The following TCERG1 variants were observed in gnomAD, a reference collection of about 807,000 sequenced individuals.
The protein encoded by TCERG1 is transcription elongation regulator 1.
TCERG1 carries 37 observed loss-of-function variants against 144.7 expected under a neutral mutation model. The observed-to-expected ratio is 0.26, with a 90% CI of 0.20 to 0.34. The LOEUF (loss-of-function observed/expected upper bound fraction) is 0.34. Ranked by LOEUF, TCERG1 falls within the 10% of genes least tolerant of loss-of-function variation. TCERG1 has a pLI of 1.00. For synonymous variants in TCERG1, 492 were observed against 458.2 expected (o/e 1.07, Z -0.94); for missense variants, 1,027 against 1,380.7 (o/e 0.74, Z 4.06).
Position 146,463,657 on chromosome 5 carries a change from C to T in TCERG1, c.999C>T (p.Pro333=), listed in dbSNP as rs1763530038. The change falls in exon 5 of 23, where the codon CCC becomes CCT. Residue 333 remains proline (P), a synonymous_variant. Coordinates refer to ENST00000679501, the MANE Select transcript of TCERG1 (RefSeq NM_001382548.1). ...APTATPVQTV[P]QPHPQTLPPA... is the part of the protein sequence containing the mutation. ...CAGCCACACCTGTGCAAACCGTTCC[C>T]CAGCCGCACCCTCAGACGTTACCTC... 1 of 1,614,178 alleles carries T rather than the reference C, an allele frequency of 6.2e-7. No individual in the cohort carries two copies. The highest frequency in any genetic ancestry group is 8.5e-7 in the Non-Finnish European group (1 of 1,180,042).
intron 4 of TCERG1, among the ~76,000 whole-genome samples, chr5:146,463,209 A>G (rs1428327397): frequency 2.0e-5 from 3 of 151,588 alleles, no homozygotes; most frequent in Non-Finnish European, 2.9e-5. Context: ...TCACTGGTTT[A>G]TTTTTTTCTT....
At chr5:146,508,506 C>G (rs1462181521) in intron 21 of TCERG1, among the ~76,000 whole-genome samples, 1 of 152,064 alleles carries the variant, frequency 6.6e-6, no homozygotes, top group Non-Finnish European at 1.5e-5. Flanking sequence ...AATATTCTTC[C>G]CCCTCAAAGT....
intron 1 of TCERG1, among the ~76,000 whole-genome samples, chr5:146,450,461 A>T (rs1420833747): frequency 6.6e-6 from 1 of 152,232 alleles, no homozygotes; most frequent in Non-Finnish European, 1.5e-5. Flanking sequence ...TAATTATAGT[A>T]ATAATAGCTA....
chr5:146,467,832 T>A (rs1392417420), intron 5 of TCERG1, among the ~76,000 whole-genome samples: 1 of 152,216 alleles, frequency 6.6e-6, no homozygotes, highest in African/African-American at 2.4e-5. Context: ...CATACCTTAC[T>A]TTCTTCCTCT....
intron 10 of TCERG1, among the ~76,000 whole-genome samples, chr5:146,478,859 T>G (rs1765084167): frequency 6.6e-6 from 1 of 152,154 alleles, no homozygotes; most frequent in Admixed American, 6.5e-5. Context: ...TTGTAAAATA[T>G]GTGTGTCTTT....
intron 1 of TCERG1, among the ~76,000 whole-genome samples, chr5:146,447,672 C>T (rs1008356183): frequency 6.6e-6 from 1 of 152,246 alleles, no homozygotes; most frequent in African/African-American, 2.4e-5. Flanking sequence ...GCCTGCAGCC[C>T]TCTGGCCGGG....
intron 19 of TCERG1, chr5:146,504,253 T>G (rs963177360): frequency 9.3e-6 from 3 of 322,872 alleles, no homozygotes; most frequent in Admixed American, 4.9e-5. Context: ...TCTCACAACT[T>G]TATTATTTAT....
intron 16 of TCERG1, among the ~76,000 whole-genome samples, chr5:146,495,708 T>A (rs1766831429): frequency 6.6e-6 from 1 of 152,174 alleles, no homozygotes; most frequent in African/African-American, 2.4e-5. Flanking sequence ...ACTGGCCAGT[T>A]TTTTGTTTAT....
chr5:146,503,739 T>G, intron 18 of TCERG1, 85 bp from the exon 19 acceptor site: 1 of 1,482,596 alleles, frequency 6.7e-7, no homozygotes, highest in Non-Finnish European at 9.0e-7. Context: ...AGATTTGGAA[T>G]TTTTTATTTG....
intron 1 of TCERG1, among the ~76,000 whole-genome samples, 183 bp from the exon 2 acceptor site, chr5:146,454,873 C>T (rs1457138557): frequency 6.6e-6 from 1 of 152,188 alleles, no homozygotes; most frequent in African/African-American, 2.4e-5. Flanking sequence ...GCTGGGATTA[C>T]AGATGTGAGC....
chr5:146,506,274 G>A (rs993364464), intron 19 of TCERG1, among the ~76,000 whole-genome samples: 3 of 152,084 alleles, frequency 2.0e-5, no homozygotes, highest in African/African-American at 7.2e-5. Flanking sequence ...CAGTAGTGTG[G>A]CTTAACTTTT....
rs754778347 is a variant in TCERG1 at position 146,507,242 on chromosome 5, A to C, written c.2961+35A>C. The C allele has an allele frequency of 6.6e-7, 1 of 1,519,364 alleles. No homozygotes were observed. Among genetic ancestry groups the C allele is most frequent in the Non-Finnish European group, 8.8e-7 (1 of 1,135,622 alleles). 94.1% of individuals were successfully genotyped at this position (1,519,364 alleles called of 1,614,324 possible). A position where few individuals can be genotyped will look rare whatever the true frequency, so the allele number is the denominator to read the frequency against. ...TCTTATTTTTCTCATTTTAATCTGG[A>C]TGAATCTTGTTAGTAATTTCTTAAA... On this transcript the variant is annotated intron_variant, in intron 20 of 22. Transcript: ENST00000679501. The surrounding 1 kb of genome is among the most constrained non-coding windows in gnomAD (Gnocchi z 4.6).
chr5:146,462,968 A>G (rs1484473064), intron 4 of TCERG1, among the ~76,000 whole-genome samples: 1 of 152,168 alleles, frequency 6.6e-6, no homozygotes, highest in East Asian at 1.9e-4. Context: ...GTATTCTACT[A>G]GATAATTTTC....
At chr5:146,465,774 GT>G (rs1252982783) in intron 5 of TCERG1, among the ~76,000 whole-genome samples, 1 of 152,194 alleles carries the variant, frequency 6.6e-6, no homozygotes, top group Non-Finnish European at 1.5e-5. Context: ...GCTTACGCCT[GT>G]AATCCCAGCA....
intron 4 of TCERG1, among the ~76,000 whole-genome samples, chr5:146,463,015 T>A (rs1453340419): frequency 6.6e-6 from 1 of 152,192 alleles, no homozygotes; most frequent in Non-Finnish European, 1.5e-5. Flanking sequence ...TTCCTATCCA[T>A]TTAAGGGCAT....
At chr5:146,467,412 TG>T (rs1395673406) in intron 5 of TCERG1, among the ~76,000 whole-genome samples, 3 of 152,232 alleles carry the variant, frequency 2.0e-5, no homozygotes, top group African/African-American at 7.2e-5. Flanking sequence ...CTTCAGACTT[TG>T]GCCTTTTCCT....
chr5:146,454,673 T>C (rs1478346174), intron 1 of TCERG1, among the ~76,000 whole-genome samples: 1 of 152,124 alleles, frequency 6.6e-6, no homozygotes, highest in African/African-American at 2.4e-5. Context: ...TCTTGGCTCA[T>C]TGCAACCTCT....
intron 21 of TCERG1, among the ~76,000 whole-genome samples, chr5:146,508,439 C>G (rs982258211): frequency 1.3e-5 from 2 of 152,092 alleles, no homozygotes; most frequent in Non-Finnish European, 2.9e-5. Context: ...TACATCATTC[C>G]CCTTTCCTGG....
intron 15 of TCERG1, among the ~76,000 whole-genome samples, chr5:146,491,067 C>T (rs190755262): frequency 2.7e-5 from 4 of 150,728 alleles, no homozygotes; most frequent in Non-Finnish European, 4.4e-5. Flanking sequence ...CTTTAGGGCT[C>T]TATTTTTCAT....
Sources: allele counts gnomAD v4.1 joint callset (sites outside exome capture counted in the v4.1 genomes callset), GRCh38; gene constraint gnomAD v4.1.1; non-coding constraint Gnocchi (gnomAD v3.1); transcripts MANE v1.5; gene names NCBI Gene and HGNC (gene_info 2026-07-23, HGNC 2026-07-21).